DENND1A: variants seen among roughly 807,000 people sequenced by gnomAD.
The protein encoded by DENND1A is DENN domain-containing protein 1A.
In DENND1A, 51 loss-of-function variants were observed where a neutral mutation model predicts 113.7. The ratio of observed to expected loss-of-function variants is 0.45; its 90% CI spans 0.36 to 0.57. The LOEUF (loss-of-function observed/expected upper bound fraction) is 0.57, where lower values mean the gene tolerates loss of function less well. DENND1A is among the 20% of genes least tolerant of loss of function. DENND1A has a pLI of 0.00. For synonymous variants in DENND1A, 565 were observed against 570.8 expected, an observed-to-expected ratio of 0.99 and a Z score of 0.14; for missense variants, 1,258 against 1,395.9, an observed-to-expected ratio of 0.90 and a Z score of 1.57.
intron 19 of DENND1A, chr9:123,439,620 T>C (rs1315089305): frequency 2.0e-5 from 3 of 153,190 alleles, no homozygotes; most frequent in Non-Finnish European, 4.4e-5. Flanking sequence ...TTGCAAATTC[T>C]TGTTACAGCC....
rs554012952 is a variant in DENND1A at position 123,769,645 on chromosome 9, T to C, written c.133-82A>G. 52 of 1,238,178 alleles carry C rather than the reference T, an allele frequency of 4.2e-5. No individual in the cohort carries two copies. The African/African-American group carries it at 7.4e-4, about 18-fold the overall frequency. The allele number at this position is 1,238,178 out of a possible 1,614,324, so 76.7% of individuals were successfully genotyped here. A position where few individuals can be genotyped will look rare whatever the true frequency, so the allele number is the denominator to read the frequency against. On this transcript the variant is annotated intron_variant, in intron 3 of 23. Coordinates refer to ENST00000394215, the MANE Select transcript of DENND1A (RefSeq NM_001352964.2). ...TAACCACAGCACACAATCTAGCAAC[T>C]TTACCCTAAAGAAAGAGGAGACAGA...
intron 13 of DENND1A, among the ~76,000 whole-genome samples, chr9:123,532,182 G>A (rs1439628545): frequency 2.0e-5 from 3 of 152,208 alleles, no homozygotes; most frequent in Admixed American, 6.5e-5. Flanking sequence ...TTGGAACATT[G>A]TGTTGTCAAA....
At chr9:123,419,030 G>A (rs1409689885) in intron 19 of DENND1A, among the ~76,000 whole-genome samples, 1 of 152,244 alleles carries the variant, frequency 6.6e-6, no homozygotes, top group Non-Finnish European at 1.5e-5. Context: ...CTTCACTGCT[G>A]GGACAGCAGG....
At chr9:123,502,657 C>A (rs1346454605) in intron 13 of DENND1A, among the ~76,000 whole-genome samples, 1 of 152,118 alleles carries the variant, frequency 6.6e-6, no homozygotes, top group Non-Finnish European at 1.5e-5. Flanking sequence ...TTGACATTGT[C>A]TTTTTGATAG....
At chr9:123,468,757 G>A (rs192084218) in intron 13 of DENND1A, among the ~76,000 whole-genome samples, 1 of 152,306 alleles carries the variant, frequency 6.6e-6, no homozygotes, top group Admixed American at 6.5e-5. Context: ...CTGAGAGAGT[G>A]GGGACAGCAG....
At chr9:123,844,431 A>G (rs968349701) in intron 2 of DENND1A, among the ~76,000 whole-genome samples, 4 of 152,184 alleles carry the variant, frequency 2.6e-5, no homozygotes, top group African/African-American at 9.6e-5. Flanking sequence ...CTAACAAAGA[A>G]CAATACAAAA....
At chr9:123,660,769 CA>C (rs1302416959) in intron 8 of DENND1A, among the ~76,000 whole-genome samples, 1 of 152,090 alleles carries the variant, frequency 6.6e-6, no homozygotes, top group African/African-American at 2.4e-5. Flanking sequence ...GCACAAACGC[CA>C]AAAAACAGGA....
At chr9:123,732,675 TTAAAAA>T (rs1378312897) in intron 5 of DENND1A, among the ~76,000 whole-genome samples, 3 of 152,150 alleles carry the variant, frequency 2.0e-5, no homozygotes, top group South Asian at 2.1e-4. Context: ...TGTACACAAA[TTAAAAA>T]TAAAAATAGA....
intron 12 of DENND1A, among the ~76,000 whole-genome samples, chr9:123,563,060 A>G (rs1222541388): frequency 2.6e-5 from 4 of 152,174 alleles, no homozygotes; most frequent in Non-Finnish European, 4.4e-5. Flanking sequence ...GGATCATTAG[A>G]AGAAACTGGT....
chr9:123,829,828 T>C (rs561565346), intron 2 of DENND1A, among the ~76,000 whole-genome samples: 1 of 152,214 alleles, frequency 6.6e-6, no homozygotes, highest in South Asian at 2.1e-4. Flanking sequence ...CACCAAATTT[T>C]CCAGAGAATA....
At chr9:123,825,816 G>C (rs907692741) in intron 2 of DENND1A, among the ~76,000 whole-genome samples, 2 of 152,206 alleles carry the variant, frequency 1.3e-5, no homozygotes, top group African/African-American at 4.8e-5. Flanking sequence ...ATACATCCTT[G>C]CCTGTTGGCA....
chr9:123,591,918 C>T (rs1365820943), intron 11 of DENND1A, among the ~76,000 whole-genome samples: 1 of 152,134 alleles, frequency 6.6e-6, no homozygotes, highest in Non-Finnish European at 1.5e-5. Flanking sequence ...CACAGAAAGC[C>T]AGATAGGAGT....
At chr9:123,690,031 A>C in intron 5 of DENND1A, among the ~76,000 whole-genome samples, 1 of 133,066 alleles carries the variant, frequency 7.5e-6, no homozygotes. Flanking sequence ...GAGGGAGGGA[A>C]GAAAAGGAGG....
intron 2 of DENND1A, among the ~76,000 whole-genome samples, chr9:123,864,344 C>T (rs2133332879): frequency 6.6e-6 from 1 of 152,348 alleles, no homozygotes; most frequent in South Asian, 2.1e-4. Flanking sequence ...TATACACACA[C>T]TGCTTCTGCT....
chr9:123,843,288 T>A (rs532467604), intron 2 of DENND1A: 1 of 427,560 alleles, frequency 2.3e-6, no homozygotes, highest in Non-Finnish European at 4.7e-6. Flanking sequence ...AAATGCTGTA[T>A]CTACCTTCTT....
At chr9:123,444,911 C>T (rs947086505) in intron 18 of DENND1A, among the ~76,000 whole-genome samples, 36 of 152,280 alleles carry the variant, frequency 2.4e-4, no homozygotes, top group African/African-American at 7.0e-4. Context: ...AGGAGGAAGA[C>T]GCCAGACAGA....
At chr9:123,924,422 A>C (rs979890520) in intron 1 of DENND1A, among the ~76,000 whole-genome samples, 2 of 152,218 alleles carry the variant, frequency 1.3e-5, no homozygotes, top group Non-Finnish European at 2.9e-5. Flanking sequence ...TAATCCCAGC[A>C]CTTTGGGAGG....
rs181545610 is a variant in DENND1A, at chr9:123,546,439, C to T, written c.993+11131G>A. On this transcript the variant is annotated intron_variant, in intron 13 of 23. Transcript: ENST00000394215. ...TGGTGGTAGGCGCCTGTAGTCCCAG[C>T]TACTTGGGAGGCTGAGGCAGGAGAA... 5.3e-5 allele frequency among the ~76,000 whole-genome samples: 8 copies of T among 152,064 alleles called. 1 individual carries two copies. The highest frequency in any genetic ancestry group is 3.9e-4 in the Admixed American group (6 of 15,290).
chr9:123,524,219 A>G (rs549695604), intron 13 of DENND1A, among the ~76,000 whole-genome samples: 1 of 152,332 alleles, frequency 6.6e-6, no homozygotes, highest in Admixed American at 6.5e-5. Context: ...GATACTGAGA[A>G]TAGGGCATCC....
Sources: gnomAD v4.1 joint callset for allele counts (sites outside exome capture counted in the v4.1 genomes callset) on GRCh38, gnomAD v4.1.1 for gene constraint, MANE v1.5 for transcripts, NCBI Gene and HGNC (gene_info 2026-07-23, HGNC 2026-07-21) for gene names.